Variants in ACBD3 observed in about 807,000 individuals in gnomAD.
ACBD3 encodes the protein acyl-CoA binding domain containing 3.
ACBD3 carries 30 observed loss-of-function variants against 66.9 expected under a neutral mutation model. The observed-to-expected ratio is 0.45, with a 90% CI of 0.34 to 0.61. ACBD3 has a LOEUF of 0.61. Among genes scored for constraint, ACBD3 ranks in the 20% least tolerant of loss-of-function variants. The pLI, the probability that ACBD3 is intolerant of heterozygous loss-of-function variation, is 0.02. For synonymous variants in ACBD3, 278 were observed against 259.8 expected (o/e 1.07, Z -0.68); for missense variants, 544 against 664.5 (o/e 0.82, Z 1.99).
At chr1:226,178,000 A>G (rs886074870) in intron 1 of ACBD3, among the ~76,000 whole-genome samples, 14 of 151,196 alleles carry the variant, frequency 9.3e-5, no homozygotes, top group African/African-American at 3.2e-4. Flanking sequence ...ACCTGCCTCA[A>G]CCTCCCAAAG....
In ACBD3 at chr1:226,183,917, C is replaced by A. The variant is rs139349857; in HGVS notation, c.286+2473G>T. On this transcript the variant is annotated intron_variant, in intron 1 of 7. Transcript: ENST00000366812. ...AAAAAAAAAAAAAAACCAGGCTGGG[C>A]ACAGTGGCTCACACCTGTAATCCCA... Among the ~76,000 whole-genome samples the A allele has an allele frequency of 3.8e-3, 569 of 148,292 alleles. 3 individuals carry two copies. The highest frequency in any genetic ancestry group is 0.013 in the African/African-American group (542 of 40,214).
chr1:226,158,536 G>C (rs1659716519), intron 5 of ACBD3, among the ~76,000 whole-genome samples: 1 of 152,160 alleles, frequency 6.6e-6, no homozygotes, highest in Admixed American at 6.6e-5. Flanking sequence ...AGAAAGAGCA[G>C]AACAATCAGA....
chr1:226,152,808 T>C (rs1211363058), intron 6 of ACBD3, among the ~76,000 whole-genome samples, 189 bp from the exon 7 acceptor site: 1 of 152,220 alleles, frequency 6.6e-6, no homozygotes, highest in African/African-American at 2.4e-5. Context: ...TGTTTAACAA[T>C]GTTGCAGGCA....
At chr1:226,175,605 G>T (rs1656013780) in intron 1 of ACBD3, among the ~76,000 whole-genome samples, 1 of 151,136 alleles carries the variant, frequency 6.6e-6, no homozygotes, top group African/African-American at 2.4e-5. Flanking sequence ...AAGAGTCTGA[G>T]AAGAGGAAAG....
At chr1:226,163,961 A>C (rs1188314493) in intron 3 of ACBD3, among the ~76,000 whole-genome samples, 1 of 151,946 alleles carries the variant, frequency 6.6e-6, no homozygotes, top group Admixed American at 6.6e-5. Context: ...TCTCTACTAA[A>C]AACACAAAAA....
rs552104254 is a variant in ACBD3, at chr1:226,177,466, G to C, written c.286+8924C>G. The stretch of plus-strand genomic sequence containing the variant: ...CTGCCTCAGCCTCCCAGAGTGCTGG[G>C]ATTACAGGTATGAGCCACCGTGCCC... On this transcript the variant is annotated intron_variant, in intron 1 of 7. Coordinates refer to ENST00000366812, the MANE Select transcript of ACBD3 (RefSeq NM_022735.4). Among the ~76,000 whole-genome samples, 18 of 151,942 alleles carry C rather than the reference G, an allele frequency of 1.2e-4. No individual in the cohort carries two copies. In the South Asian group the frequency reaches 3.8e-3, roughly 32 times the overall value.
At chr1:226,181,740 C>T (rs1656174490) in intron 1 of ACBD3, among the ~76,000 whole-genome samples, 1 of 152,048 alleles carries the variant, frequency 6.6e-6, no homozygotes, top group Admixed American at 6.6e-5. Context: ...AACAATCTAC[C>T]AGCTTAATGT....
At chr1:226,159,890 A>C (rs756886590) in intron 4 of ACBD3, among the ~76,000 whole-genome samples, 11 of 152,200 alleles carry the variant, frequency 7.2e-5, no homozygotes, top group Non-Finnish European at 1.3e-4. Context: ...TTCTGTACCT[A>C]AATACATAAA....
intron 3 of ACBD3, among the ~76,000 whole-genome samples, chr1:226,164,582 G>A (rs1042260849): frequency 5.3e-5 from 8 of 152,082 alleles, no homozygotes; most frequent in African/African-American, 9.7e-5. Flanking sequence ...TTAAAGGCAC[G>A]GCCAGTAGGA....
At chr1:226,156,939 C>T (rs1292876234) in intron 5 of ACBD3, among the ~76,000 whole-genome samples, 1 of 152,098 alleles carries the variant, frequency 6.6e-6, no homozygotes, top group East Asian at 1.9e-4. Context: ...CTCTGGGAAC[C>T]CCCGACCATG....
intron 4 of ACBD3, among the ~76,000 whole-genome samples, chr1:226,160,941 C>G (rs2102780085): frequency 1.3e-5 from 2 of 152,322 alleles, no homozygotes; most frequent in East Asian, 1.9e-4. Flanking sequence ...CTGTCAGATG[C>G]ATGGAAACAT....
chr1:226,159,440 T>G (rs1253938702), intron 4 of ACBD3, 82 bp from the exon 5 acceptor site: 1 of 1,362,698 alleles, frequency 7.3e-7, no homozygotes, highest in Non-Finnish European at 1.0e-6. Flanking sequence ...TTACTTACTT[T>G]TACAGTCTGT....
chr1:226,176,891 AC>A (rs2102789115), intron 1 of ACBD3, among the ~76,000 whole-genome samples: 1 of 152,342 alleles, frequency 6.6e-6, no homozygotes, highest in African/African-American at 2.4e-5. Context: ...ATTTAAAAAA[AC>A]AGTATTTGTT....
intron 1 of ACBD3, among the ~76,000 whole-genome samples, chr1:226,177,483 A>G (rs1371741476): frequency 1.3e-5 from 2 of 151,630 alleles, no homozygotes; most frequent in Admixed American, 6.6e-5. Flanking sequence ...GGTATGAGCC[A>G]CCGTGCCCAG....
intron 7 of ACBD3, among the ~76,000 whole-genome samples, chr1:226,149,518 C>T (rs573437257): frequency 8.9e-5 from 11 of 123,520 alleles, no homozygotes; most frequent in East Asian, 2.7e-4. Flanking sequence ...TCAGCCACTG[C>T]GCCCAGCCAT....
In ACBD3 at chr1:226,183,477, C is replaced by A. The variant is rs568325763; in HGVS notation, c.286+2913G>T. Among the ~76,000 whole-genome samples the A allele has an allele frequency of 6.6e-5, 10 of 152,226 alleles. No homozygotes were observed. The Middle Eastern group carries it at 0.01, about 155-fold the overall frequency. ...GATTACAGGCAAAAGCTACCACACC[C>A]GGCCGAAAATGTAATGTTATTTCTA... On this transcript the variant is annotated intron_variant, in intron 1 of 7. Coordinates refer to ENST00000366812, the MANE Select transcript of ACBD3 (RefSeq NM_022735.4).
rs1490495910 is a variant in ACBD3, at chr1:226,146,595, T to C, written c.*15A>G. 6.2e-7 allele frequency: 1 copy of C among 1,609,876 alleles called. No individual in the cohort carries two copies. The highest frequency in any genetic ancestry group is 8.5e-7 in the Non-Finnish European group (1 of 1,176,758). On this transcript the variant is annotated 3_prime_UTR_variant, in exon 8 of 8. Transcript: ENST00000366812. ...TTCTGCCCAACCCTAGACTCCAGAC[T>C]TTGTAACAACATTTTTATCTAGTAT...
chr1:226,154,182 G>C (rs528102185), intron 6 of ACBD3, among the ~76,000 whole-genome samples: 12 of 152,174 alleles, frequency 7.9e-5, no homozygotes, highest in African/African-American at 2.6e-4. Flanking sequence ...AATGTTTATT[G>C]TTATTTCAAG....
chr1:226,163,373 T>C (rs1162113765), intron 3 of ACBD3, among the ~76,000 whole-genome samples: 1 of 152,176 alleles, frequency 6.6e-6, no homozygotes, highest in African/African-American at 2.4e-5. Context: ...TAGATACTTC[T>C]ACAGACACCC....
Sources: gnomAD v4.1 joint callset for allele counts (sites outside exome capture counted in the v4.1 genomes callset) on GRCh38, gnomAD v4.1.1 for gene constraint, MANE v1.5 for transcripts, NCBI Gene and HGNC (gene_info 2026-07-23, HGNC 2026-07-21) for gene names.